The following MXD4 variants were observed in gnomAD, a reference collection of about 807,000 sequenced individuals.
The protein encoded by MXD4 is Mad4 homolog.
Under a neutral mutation model 24.5 loss-of-function variants are expected in MXD4, and 16 were observed. The ratio of observed to expected loss-of-function variants is 0.65; its 90% confidence interval spans 0.44 to 0.99. The LOEUF is 0.99. Ranked by LOEUF, MXD4 falls within the 50% of genes least tolerant of loss-of-function variation. MXD4 has a pLI of 0.00. For synonymous variants in MXD4, 164 were observed against 134.2 expected (o/e 1.22, Z -1.54); for missense variants, 301 against 301.5 (o/e 1.00, Z 0.01).
intron 3 of MXD4, chr4:2,254,999 G>A (rs968980864): frequency 3.0e-5 from 9 of 302,418 alleles, no homozygotes; most frequent in Non-Finnish European, 4.5e-5. Context: ...ACAAAGGTCT[G>A]CGCTCACCAA....
chr4:2,261,878 G>C (rs1560116126), intron 1 of MXD4, 39 bp downstream of exon 1: 16 of 1,397,656 alleles, frequency 1.1e-5, no homozygotes, highest in African/African-American at 1.5e-5. Flanking sequence ...CCCGCCGCCC[G>C]CCCACCGCCG....
At chr4:2,259,849 T>C (rs750059882) in intron 2 of MXD4, among the ~76,000 whole-genome samples, 1 of 152,156 alleles carries the variant, frequency 6.6e-6, no homozygotes, top group Non-Finnish European at 1.5e-5. Flanking sequence ...TCCCACAGAA[T>C]GGACCCCCCT....
Position 2,261,840 on chromosome 4 carries a change from G to T in MXD4, c.65-16C>A. ...TGCTCGGCCTCTGCGGACACACGGC[G>T]CGGTCAGCGGCCCCCGCCCGGCACG... On this transcript the variant is annotated splice_polypyrimidine_tract_variant and intron_variant, in intron 1 of 5. Transcript: ENST00000337190. 1 of 1,361,504 alleles carries T rather than the reference G, an allele frequency of 7.3e-7. No homozygotes were observed. Among genetic ancestry groups the T allele is most frequent in the Non-Finnish European group, 9.5e-7 (1 of 1,056,952 alleles). The allele number at this position is 1,361,504 out of a possible 1,614,324, so 84.3% of individuals were successfully genotyped here.
In MXD4 at chr4:2,247,953, A is replaced by C. The variant is rs1434202365; in HGVS notation, c.*2591T>G. On this transcript the variant is annotated 3_prime_UTR_variant, in exon 6 of 6. Transcript: ENST00000337190. ...GCCTTCCAATAAGGCTGGGGAACCC[A>C]AGCCTGAGTCTGGGTGCTCAGTGGC... 1.3e-5 allele frequency: 2 copies of C among 152,416 alleles called. No homozygotes were observed. Among genetic ancestry groups the C allele is most frequent in the Non-Finnish European group, 2.9e-5 (2 of 68,182 alleles). 9.4% of individuals were successfully genotyped at this position (152,416 alleles called of 1,614,324 possible).
intron 2 of MXD4, among the ~76,000 whole-genome samples, chr4:2,260,821 T>C (rs181090904): frequency 8.5e-5 from 13 of 152,328 alleles, no homozygotes; most frequent in African/African-American, 3.1e-4. Flanking sequence ...GCTCCCAGCC[T>C]GCTCACACAA....
Position 2,248,872 on chromosome 4 carries a change from A to T in MXD4, c.*1672T>A, listed in dbSNP as rs1010928435. 6.6e-6 allele frequency: 1 copy of T among 152,344 alleles called. No homozygotes were observed. Among genetic ancestry groups the T allele is most frequent in the Admixed American group, 6.5e-5 (1 of 15,294 alleles). The allele number at this position is 152,344 out of a possible 1,614,324, so 9.4% of individuals were successfully genotyped here. A position where few individuals can be genotyped will look rare whatever the true frequency, so the allele number is the denominator to read the frequency against. ...TATGGGCCAGCCCCAAGGACAGAGG[A>T]CGTCAGGAAGGAAAGGCGGGTGCAA... On this transcript the variant is annotated 3_prime_UTR_variant, in exon 6 of 6. Coordinates refer to ENST00000337190, the MANE Select transcript of MXD4 (RefSeq NM_006454.3).
chr4:2,261,442 G>C (rs1336413116), intron 2 of MXD4, among the ~76,000 whole-genome samples: 3 of 151,750 alleles, frequency 2.0e-5, no homozygotes, highest in African/African-American at 4.8e-5. Flanking sequence ...GGGGCGGGGA[G>C]CGGGCGCGGG....
intron 4 of MXD4, 21 bp downstream of exon 4, chr4:2,252,387 T>C: frequency 6.3e-7 from 1 of 1,588,748 alleles, no homozygotes; most frequent in Non-Finnish European, 8.6e-7. Context: ...CAGGGCAGGG[T>C]GGAGAGCAAG....
chr4:2,252,489 G>A lies in MXD4; in HGVS notation c.228C>T (p.Leu76=). ...RAKLRLYLEQ[L]KQLVPLGPDS... is the part of the protein sequence containing the mutation. ...CGGGGCCCAGGGGCACCAGTTGCTT[G>A]AGCTGCTCAAGGTACAGCCTGAGTT... Residue 76 remains leucine (L), a synonymous_variant, in exon 4 of 6, where the codon CTC becomes CTT. Coordinates refer to ENST00000337190, the MANE Select transcript of MXD4 (RefSeq NM_006454.3). The A allele has an allele frequency of 3.7e-6, 6 of 1,612,128 alleles. No homozygotes were observed. The highest frequency in any genetic ancestry group is 4.2e-6 in the Non-Finnish European group (5 of 1,179,938).
intron 2 of MXD4, among the ~76,000 whole-genome samples, chr4:2,259,380 C>A (rs1487688288): frequency 6.6e-6 from 1 of 152,236 alleles, no homozygotes; most frequent in African/African-American, 2.4e-5. Context: ...CCAGCCAGGG[C>A]CGACCAGGGC....
Position 2,261,795 on chromosome 4 carries a change from G to A in MXD4, c.94C>T (p.Pro32Ser). The change falls in exon 2 of 6, where the codon CCC becomes TCC. Residue 32 changes from proline to serine, a missense_variant. Transcript: ENST00000337190. ...TCCCTGGCGAAGTCGCCGTCGAAGGGCAGCACCGAGGCGTAGCCGTGCTCG... is the reference window on the plus strand; with the variant it reads ...TCCCTGGCGAAGTCGCCGTCGAAGGACAGCACCGAGGCGTAGCCGTGCTCG... ...EAEHGYASVL[P>S]FDGDFAREKT... 1 of 1,425,734 alleles carries A rather than the reference G, an allele frequency of 7.0e-7. No homozygotes were observed. Among genetic ancestry groups the A allele is most frequent in the Non-Finnish European group, 9.2e-7 (1 of 1,081,940 alleles). The allele number at this position is 1,425,734 out of a possible 1,614,324, so 88.3% of individuals were successfully genotyped here.
chr4:2,251,849 G>C lies in MXD4; in HGVS notation c.309+559C>G, dbSNP rs1374250857. ...AGAAGAGGCCCTCAGAGCAGATAGA[G>C]ATTTGCCCTGGTTGGTCCAAATGTC... is the stretch of plus-strand genomic sequence containing the variant. On this transcript the variant is annotated intron_variant, in intron 4 of 5. Coordinates refer to ENST00000337190, the MANE Select transcript of MXD4 (RefSeq NM_006454.3). 2.0e-5 allele frequency among the ~76,000 whole-genome samples: 3 copies of C among 152,210 alleles called. No homozygotes were observed. The East Asian group carries it at 5.8e-4, about 29-fold the overall frequency.
chr4:2,250,193 G>A lies in MXD4; in HGVS notation c.*351C>T, dbSNP rs992024573. The A allele has an allele frequency of 3.5e-6, 1 of 282,876 alleles. No individual in the cohort carries two copies. The highest frequency in any genetic ancestry group is 2.2e-5 in the African/African-American group (1 of 45,940). 17.5% of individuals were successfully genotyped at this position (282,876 alleles called of 1,614,324 possible). On this transcript the variant is annotated 3_prime_UTR_variant, in exon 6 of 6. Transcript: ENST00000337190. ...GTTGGGGTCTGAGCTCCCTGTGGTG[G>A]TCATTAAGCCCCTCACACGGCACCT...
chr4:2,251,917 G>A (rs1001052847), intron 4 of MXD4, among the ~76,000 whole-genome samples: 5 of 152,144 alleles, frequency 3.3e-5, no homozygotes, highest in African/African-American at 1.2e-4. Flanking sequence ...GTCCTTTGGG[G>A]GGCGGTCCCA....
chr4:2,252,634 G>GGTCCCT, intron 3 of MXD4, 112 bp from the exon 4 acceptor site: 1 of 709,882 alleles, frequency 1.4e-6, no homozygotes, highest in Non-Finnish European at 2.3e-6. Context: ...ATGTGCTGAG[G>GGTCCCT]GTCCCTCTCT....
At position 2,253,234 on chromosome 4, in the gene MXD4, G is replaced by C. The variant is rs138946909; in HGVS notation, c.195-712C>G. On this transcript the variant is annotated intron_variant, in intron 3 of 5. Coordinates refer to ENST00000337190, the MANE Select transcript of MXD4 (RefSeq NM_006454.3). ...GGAGAGGGGCCCTGGCTTCATCCTA[G>C]GCCTGCCCCTGTGGAAACACCGCCT... 9.2e-3 allele frequency: 1,399 copies of C among 152,400 alleles called. 17 individuals are homozygous for C. Among genetic ancestry groups the C allele is most frequent in the Non-Finnish European group, 0.014 (955 of 68,086 alleles). The allele number at this position is 152,400 out of a possible 1,614,324, so 9.4% of individuals were successfully genotyped here.
Position 2,250,687 on chromosome 4 carries a change from C to T in MXD4, c.487G>A (p.Gly163Ser), listed in dbSNP as rs1263937403. The T allele has an allele frequency of 1.2e-6, 2 of 1,613,626 alleles. No individual in the cohort carries two copies. Among genetic ancestry groups the T allele is most frequent in the South Asian group, 1.1e-5 (1 of 91,084 alleles). ...DDSEQEVDIEGMEFGPGELDS... is the reference protein window; with the variant it reads ...DDSEQEVDIESMEFGPGELDS... ...AGCTCACCAGGGCCAAACTCCATGC[C>T]CTCTATGTCCACTTCTAGGGAGAAT... Residue 163 changes from glycine (G) to serine (S), a missense_variant, in exon 6 of 6, where the codon GGC (glycine) becomes AGC (serine). Coordinates refer to ENST00000337190, the MANE Select transcript of MXD4 (RefSeq NM_006454.3).
At chr4:2,250,905 C>A (rs1322532290) in intron 5 of MXD4, among the ~76,000 whole-genome samples, 179 bp downstream of exon 5, 1 of 152,182 alleles carries the variant, frequency 6.6e-6, no homozygotes, top group Non-Finnish European at 1.5e-5. Flanking sequence ...ACAGCCTCTG[C>A]ATCCCACCCT....
In MXD4 at chr4:2,261,807, C is replaced by T. The variant is rs1735553916; in HGVS notation, c.82G>A (p.Ala28Thr). Residue 28 changes from alanine to threonine, a missense_variant, in exon 2 of 6, where the codon GCC becomes ACC. Ala to Thr is a moderately conservative substitution (Grantham distance 58, BLOSUM62 0). Coordinates refer to ENST00000337190, the MANE Select transcript of MXD4 (RefSeq NM_006454.3). ...TCGCCGTCGAAGGGCAGCACCGAGG[C>T]GTAGCCGTGCTCGGCCTCTGCGGAC... The part of the protein sequence containing the change: ...RRDREAEHGY[A>T]SVLPFDGDFA... The T allele has an allele frequency of 7.1e-7, 1 of 1,408,206 alleles. No individual in the cohort carries two copies. The highest frequency in any genetic ancestry group is 9.3e-7 in the Non-Finnish European group (1 of 1,073,020). 87.2% of individuals were successfully genotyped at this position (1,408,206 alleles called of 1,614,324 possible). A position where few individuals can be genotyped will look rare whatever the true frequency, so the allele number is the denominator to read the frequency against.
Sources: allele counts gnomAD v4.1 joint callset (sites outside exome capture counted in the v4.1 genomes callset), GRCh38; gene constraint gnomAD v4.1.1; transcripts MANE v1.5; gene names NCBI Gene and HGNC (gene_info 2026-07-23, HGNC 2026-07-21).